The following USP4 variants were observed in gnomAD, a reference collection of about 807,000 sequenced individuals.
USP4 encodes the protein ubiquitin carboxyl-terminal hydrolase 4.
In USP4, 72 loss-of-function variants were observed where a neutral mutation model predicts 118.2. That is an observed-to-expected ratio of 0.61 (90% confidence interval 0.50 to 0.74). The LOEUF (loss-of-function observed/expected upper bound fraction) is 0.74, where lower values mean the gene tolerates loss of function less well. Ranked by LOEUF, USP4 falls within the 30% of genes least tolerant of loss-of-function variation. The pLI, the probability that USP4 is intolerant of heterozygous loss-of-function variation, is 0.00. For synonymous variants in USP4, 415 were observed against 440.4 expected (o/e 0.94, Z 0.72); for missense variants, 1,037 against 1,185.7 (o/e 0.87, Z 1.84).
chr3:49,339,453 C>T (rs1038010902), intron 1 of USP4, among the ~76,000 whole-genome samples: 1 of 152,230 alleles, frequency 6.6e-6, no homozygotes, highest in Non-Finnish European at 1.5e-5. Flanking sequence ...GACATTTGTT[C>T]AGCTTCTGAC....
chr3:49,281,108 A>ATCAGGAGT (rs1356620354), intron 19 of USP4, among the ~76,000 whole-genome samples: 1 of 151,856 alleles, frequency 6.6e-6, no homozygotes, highest in Admixed American at 6.6e-5. Context: ...ATCACCTGAG[A>ATCAGGAGT]TCAGGAGTTC....
intron 1 of USP4, among the ~76,000 whole-genome samples, chr3:49,338,765 G>A (rs2107809232): frequency 6.6e-6 from 1 of 151,768 alleles, no homozygotes; most frequent in African/African-American, 2.4e-5. Flanking sequence ...GAATACATAA[G>A]CTGTTATCTG....
At chr3:49,331,950 C>G (rs6809204) in intron 2 of USP4, among the ~76,000 whole-genome samples, 1 of 146,460 alleles carries the variant, frequency 6.8e-6, no homozygotes, top group Non-Finnish European at 1.5e-5. Flanking sequence ...CCGGGCAACA[C>G]GGCAAAATCC....
rs41290700 is a variant in USP4, at chr3:49,283,991, T to C, written c.2536A>G (p.Ile846Val). ...ACTGTAGTCACCATGACCCACCTGA[T>C]TGGGAATTCTACGACTGTGTCGAGC... is the stretch of plus-strand genomic sequence containing the variant. ...DKLDTVVEFP[I>V]RGLNMSEFVC... The change falls in exon 19 of 22, where the codon ATC becomes GTC. Residue 846 changes from isoleucine (I) to valine (V), a missense_variant. Ile to Val is a conservative substitution (Grantham distance 29, BLOSUM62 3). This residue lies in a region of USP4 where 522 missense variants were observed against 592.6 expected (regional missense o/e 0.88). Coordinates refer to ENST00000265560, the MANE Select transcript of USP4 (RefSeq NM_003363.4). 10,962 of 1,614,218 alleles carry C rather than the reference T, an allele frequency of 6.8e-3. 35 individuals are homozygous for C. Among genetic ancestry groups the C allele is most frequent in the Non-Finnish European group, 7.7e-3 (9,123 of 1,180,030 alleles).
Position 49,278,374 on chromosome 3 carries a change from A to G in USP4, c.2811T>C (p.Gly937=), listed in dbSNP as rs1264194304. ...TTGGTCGTGTCCCTCCATCAGAGGA[A>G]CCAGAACTGCTAAGTGAAGGTGTCT... ...FYKTPSLSSS[G]SSDGGTRPSS... Residue 937 remains glycine, a synonymous_variant, in exon 22 of 22, where the codon GGT becomes GGC. Coordinates refer to ENST00000265560, the MANE Select transcript of USP4 (RefSeq NM_003363.4). 6.2e-7 allele frequency: 1 copy of G among 1,614,046 alleles called. No individual in the cohort carries two copies. The highest frequency in any genetic ancestry group is 8.5e-7 in the Non-Finnish European group (1 of 1,180,036).
rs763174734 is a variant in USP4 at position 49,297,940 on chromosome 3, GATT to G, written c.1618_1620del (p.Asn540del). On this transcript the variant is annotated inframe_deletion, in exon 13 of 22. Coordinates refer to ENST00000265560, the MANE Select transcript of USP4 (RefSeq NM_003363.4). The stretch of plus-strand genomic sequence containing the variant: ...ATTTGGAAAATTTTGTGGAATCGGT[GATT>G]ATACACATCTGCGACCACCATCTAA... The G allele has an allele frequency of 1.7e-5, 28 of 1,613,754 alleles. No individual in the cohort carries two copies. Among genetic ancestry groups the G allele is most frequent in the Non-Finnish European group, 2.3e-5 (27 of 1,179,774 alleles).
chr3:49,299,605 G>T (rs2047244740), intron 11 of USP4, among the ~76,000 whole-genome samples: 1 of 150,942 alleles, frequency 6.6e-6, no homozygotes, highest in South Asian at 2.1e-4. Flanking sequence ...TGTTAGCCAG[G>T]ATGGTCTGGA....
At chr3:49,302,254 A>T in intron 10 of USP4, 130 bp downstream of exon 10, 1 of 1,005,150 alleles carries the variant, frequency 9.9e-7, no homozygotes. Context: ...CCATATCCCT[A>T]TAACTAGCTA....
At position 49,325,047 on chromosome 3, in the gene USP4, C is replaced by G. The variant is rs1205667494; in HGVS notation, c.488-8G>C. The stretch of plus-strand genomic sequence containing the variant: ...TCTCTTTCTCGATGGTTGCTAGGAA[C>G]AGGCAGAAATATCACTTGGGGCTTT... On this transcript the variant is annotated splice_polypyrimidine_tract_variant and splice_region_variant and intron_variant, in intron 4 of 21. Coordinates refer to ENST00000265560, the MANE Select transcript of USP4 (RefSeq NM_003363.4). 4 of 1,611,166 alleles carry G rather than the reference C, an allele frequency of 2.5e-6. No homozygotes were observed. Among genetic ancestry groups the G allele is most frequent in the Non-Finnish European group, 3.4e-6 (4 of 1,179,114 alleles).
chr3:49,309,966 T>TTTTTTTTTTTTA, intron 8 of USP4, among the ~76,000 whole-genome samples: 3 of 122,772 alleles, frequency 2.4e-5, no homozygotes, highest in Non-Finnish European at 5.0e-5. Context: ...TTTTTTTTTT[T>TTTTTTTTTTTTA]GAGACAGAGT....
chr3:49,278,601 A>C (rs2046985969), intron 21 of USP4, 150 bp from the exon 22 acceptor site: 1 of 1,032,944 alleles, frequency 9.7e-7, no homozygotes, highest in Non-Finnish European at 1.4e-6. Context: ...CCTGCCAGGC[A>C]GCAGGAAATG....
intron 2 of USP4, among the ~76,000 whole-genome samples, chr3:49,334,071 GA>G (rs1379052071): frequency 1.3e-5 from 2 of 151,946 alleles, no homozygotes; most frequent in African/African-American, 4.8e-5. Flanking sequence ...AAATAATAAT[GA>G]AAAACTTTGA....
At chr3:49,278,748 T>C (rs1575597616) in intron 21 of USP4, 66 bp downstream of exon 21, 6 of 1,260,476 alleles carry the variant, frequency 4.8e-6, no homozygotes, top group Non-Finnish European at 6.8e-6. Context: ...ACTAGCCTGA[T>C]AGAGGCTCTT....
intron 10 of USP4, among the ~76,000 whole-genome samples, chr3:49,301,745 C>T (rs1367676908): frequency 6.6e-6 from 1 of 151,968 alleles, no homozygotes; most frequent in Non-Finnish European, 1.5e-5. Flanking sequence ...TACAGCTCAG[C>T]TAACTCATAG....
chr3:49,278,559 A>G, intron 21 of USP4, 108 bp from the exon 22 acceptor site: 1 of 1,345,934 alleles, frequency 7.4e-7, no homozygotes, highest in East Asian at 2.3e-5. Flanking sequence ...ATATCCACAC[A>G]GAGGAGACCC....
intron 6 of USP4, among the ~76,000 whole-genome samples, chr3:49,320,089 A>T (rs534565526): frequency 2.6e-5 from 4 of 151,758 alleles, no homozygotes; most frequent in South Asian, 4.2e-4. Context: ...GCTAATTTTT[A>T]AAAAAAATTT....
chr3:49,295,704 GCGCGCGCGC>G lies in USP4; in HGVS notation c.1692-1115_1692-1107del, dbSNP rs1307006358. Among the ~76,000 whole-genome samples, 5 of 139,252 alleles carry G rather than the reference GCGCGCGCGC, an allele frequency of 3.6e-5. No homozygotes were observed. In the South Asian group the frequency reaches 1.1e-3, roughly 30 times the overall value. 91.4% of individuals were successfully genotyped at this position (139,252 alleles called of 152,430 possible). ...TGAAACTAAACATATGCACGTGTGC[GCGCGCGCGC>G]GCACACACACACACACACACACCCC... On this transcript the variant is annotated intron_variant, in intron 13 of 21. Transcript: ENST00000265560.
chr3:49,325,382 A>C (rs1263106055), intron 4 of USP4, among the ~76,000 whole-genome samples: 2 of 151,724 alleles, frequency 1.3e-5, no homozygotes, highest in African/African-American at 4.8e-5. Flanking sequence ...AAGAGACAGG[A>C]TCTTGCTCTG....
intron 1 of USP4, among the ~76,000 whole-genome samples, chr3:49,338,398 G>A (rs867939842): frequency 6.6e-5 from 10 of 151,804 alleles, no homozygotes; most frequent in Non-Finnish European, 7.4e-5. Context: ...AGTAGCTTCC[G>A]CCTGTAATCC....
Sources: gnomAD v4.1 joint callset for allele counts (sites outside exome capture counted in the v4.1 genomes callset) on GRCh38, gnomAD v4.1.1 for gene constraint, gnomAD v4.1.1 regional missense constraint, MANE v1.5 for transcripts, NCBI Gene and HGNC (gene_info 2026-07-23, HGNC 2026-07-21) for gene names.